TRABD2B: variants seen among roughly 807,000 people sequenced by gnomAD.
The protein encoded by TRABD2B is metalloprotease TIKI2.
In TRABD2B, 14 loss-of-function variants were observed where a neutral mutation model predicts 40.1. The observed-to-expected ratio is 0.35, with a 90% CI of 0.23 to 0.55. The LOEUF (loss-of-function observed/expected upper bound fraction) is 0.55. Ranked by LOEUF, TRABD2B falls within the 20% of genes least tolerant of loss-of-function variation. The pLI is 0.90. For missense variants in TRABD2B, 541 were observed against 648.6 expected, an observed-to-expected ratio of 0.83 and a Z score of 1.80; for synonymous variants, 263 against 277.0, an observed-to-expected ratio of 0.95 and a Z score of 0.50.
chr1:47,900,891 A>C (rs1267960400), intron 2 of TRABD2B, among the ~76,000 whole-genome samples: 1 of 152,130 alleles, frequency 6.6e-6, no homozygotes, highest in East Asian at 1.9e-4. Flanking sequence ...ACCATCTTTT[A>C]AGAGACAAAG....
At chr1:47,967,399 C>T (rs1557685562) in intron 2 of TRABD2B, among the ~76,000 whole-genome samples, 1 of 151,964 alleles carries the variant, frequency 6.6e-6, no homozygotes, top group Non-Finnish European at 1.5e-5. Context: ...TCCAGAAGTC[C>T]ACTATCTAGC....
intron 2 of TRABD2B, among the ~76,000 whole-genome samples, chr1:47,944,863 G>C (rs865936695): frequency 2.6e-5 from 4 of 152,326 alleles, no homozygotes; most frequent in Middle Eastern, 3.4e-3. Flanking sequence ...AACTTCCCGG[G>C]AGGGAACATC....
chr1:47,853,381 G>C (rs771654272), intron 2 of TRABD2B, among the ~76,000 whole-genome samples: 4 of 152,206 alleles, frequency 2.6e-5, no homozygotes, highest in Non-Finnish European at 5.9e-5. Context: ...GGACAGTGCT[G>C]CCTCCCACTG....
chr1:47,978,260 C>T (rs1645787936), intron 2 of TRABD2B, among the ~76,000 whole-genome samples: 2 of 152,158 alleles, frequency 1.3e-5, no homozygotes, highest in Non-Finnish European at 2.9e-5. Context: ...AAAGCTGTTC[C>T]TCACCAGACA....
rs143174520 is a variant in TRABD2B at position 47,771,094 on chromosome 1, T to G, written c.1349+4076A>C. On this transcript the variant is annotated intron_variant, in intron 6 of 6. Transcript: ENST00000606738. The stretch of plus-strand genomic sequence containing the variant: ...TACCTCGAATCTGATGGGGTCATCT[T>G]CTGCCTCTAATCTGATGGGGTCCTG... Among the ~76,000 whole-genome samples, 64 of 152,334 alleles carry G rather than the reference T, an allele frequency of 4.2e-4. 2 individuals carry two copies. In the South Asian group the frequency reaches 0.013, roughly 31 times the overall value.
At chr1:47,807,640 C>G (rs202031012) in intron 2 of TRABD2B, among the ~76,000 whole-genome samples, 14 of 151,580 alleles carry the variant, frequency 9.2e-5, no homozygotes, top group East Asian at 5.8e-4. Flanking sequence ...GTGTGTGTGT[C>G]TGTGTGTGTG....
chr1:47,799,582 C>T (rs1644791577), intron 3 of TRABD2B, among the ~76,000 whole-genome samples: 1 of 152,164 alleles, frequency 6.6e-6, no homozygotes, highest in African/African-American at 2.4e-5. Context: ...AGCTGGGCAA[C>T]GGGGACCAAG....
rs77712464 is a variant in TRABD2B at position 47,781,883 on chromosome 1, C to T, written c.989-3339G>A. Among the ~76,000 whole-genome samples, 1,447 of 152,322 alleles carry T rather than the reference C, an allele frequency of 9.5e-3. 16 individuals carry two copies. The highest frequency in any genetic ancestry group is 0.032 in the African/African-American group (1,348 of 41,564). On this transcript the variant is annotated intron_variant, in intron 4 of 6. Coordinates refer to ENST00000606738, the MANE Select transcript of TRABD2B (RefSeq NM_001194986.2). ...ACAGCTGGGTTGGCAACACTTGCAACGGCCCCAGTGCTCACGACTCCATTC... is the reference window on the plus strand; with the variant it reads ...ACAGCTGGGTTGGCAACACTTGCAATGGCCCCAGTGCTCACGACTCCATTC...
chr1:47,967,372 C>G (rs1693254), intron 2 of TRABD2B, among the ~76,000 whole-genome samples: 11 of 142,998 alleles, frequency 7.7e-5, no homozygotes, highest in South Asian at 4.6e-4. Flanking sequence ...CACACACACA[C>G]AGCAATACTT....
intron 2 of TRABD2B, among the ~76,000 whole-genome samples, chr1:47,977,549 T>C (rs80235161): frequency 0.025 from 3,730 of 152,118 alleles, 116 homozygotes; most frequent in Admixed American, 0.088. Flanking sequence ...CCATTTTATA[T>C]ACGTGAAGAC....
rs115375995 is a variant in TRABD2B at position 47,951,995 on chromosome 1, C to T, written c.666+42039G>A. Reference sequence around the variant, plus strand: ...ATCCCATAGGAGCTGGGAGTTCTGACCCCTGCATCGCTCAGCACCCTCAGT... The same window carrying T: ...ATCCCATAGGAGCTGGGAGTTCTGATCCCTGCATCGCTCAGCACCCTCAGT... On this transcript the variant is annotated intron_variant, in intron 2 of 6. Transcript: ENST00000606738. Among the ~76,000 whole-genome samples, 559 of 152,326 alleles carry T rather than the reference C, an allele frequency of 3.7e-3. 6 individuals carry two copies. Among genetic ancestry groups the T allele is most frequent in the African/African-American group, 0.012 (514 of 41,572 alleles).
At chr1:47,981,922 T>G (rs1164772549) in intron 2 of TRABD2B, among the ~76,000 whole-genome samples, 2 of 152,184 alleles carry the variant, frequency 1.3e-5, no homozygotes, top group African/African-American at 4.8e-5. Flanking sequence ...AAAAGGATGC[T>G]GAGAGGCAGG....
At chr1:47,769,831 C>G (rs905789277) in intron 6 of TRABD2B, among the ~76,000 whole-genome samples, 25 of 152,220 alleles carry the variant, frequency 1.6e-4, no homozygotes, top group African/African-American at 5.8e-4. Context: ...TGCTGTGTGA[C>G]TTTGGCAAGT....
At position 47,761,604 on chromosome 1, in the gene TRABD2B, G is replaced by C. The variant is rs550097734; in HGVS notation, c.*4298C>G. ...GATGAATTTCTGGAAAAATAACAATGTTCATAGAACTTGATCATTGCAGAG... is the reference window on the plus strand; with the variant it reads ...GATGAATTTCTGGAAAAATAACAATCTTCATAGAACTTGATCATTGCAGAG... On this transcript the variant is annotated 3_prime_UTR_variant, in exon 7 of 7. Transcript: ENST00000606738. 2 of 152,310 alleles carry C rather than the reference G, an allele frequency of 1.3e-5. No individual in the cohort carries two copies. Among genetic ancestry groups the C allele is most frequent in the African/African-American group, 4.8e-5 (2 of 41,558 alleles). 9.4% of individuals were successfully genotyped at this position (152,310 alleles called of 1,614,324 possible).
At chr1:47,829,101 G>C (rs1181042207) in intron 2 of TRABD2B, among the ~76,000 whole-genome samples, 7 of 152,212 alleles carry the variant, frequency 4.6e-5, no homozygotes, top group African/African-American at 1.7e-4. Flanking sequence ...AGGGACCCCA[G>C]AGAGGTCCTG....
chr1:47,941,789 C>G (rs912894461), intron 2 of TRABD2B, among the ~76,000 whole-genome samples: 1 of 152,246 alleles, frequency 6.6e-6, no homozygotes, highest in Admixed American at 6.5e-5. Context: ...CACATACTAT[C>G]TGTGTGACCC....
intron 2 of TRABD2B, among the ~76,000 whole-genome samples, chr1:47,987,805 G>A (rs934091587): frequency 6.6e-6 from 1 of 152,190 alleles, no homozygotes; most frequent in South Asian, 2.1e-4. Context: ...ATGGCTCTGT[G>A]GGGGAGACAC....
chr1:47,892,762 A>G (rs1051324416), intron 2 of TRABD2B, among the ~76,000 whole-genome samples: 1 of 152,220 alleles, frequency 6.6e-6, no homozygotes, highest in East Asian at 1.9e-4. Context: ...TGAGGAGGTG[A>G]TAACAGCTGA....
At chr1:47,784,828 C>A (rs1644573505) in intron 4 of TRABD2B, among the ~76,000 whole-genome samples, 1 of 152,170 alleles carries the variant, frequency 6.6e-6, no homozygotes, top group Non-Finnish European at 1.5e-5. Context: ...TTCAGTGGGG[C>A]CTGAGATGAC....
Sources: allele counts gnomAD v4.1 joint callset (sites outside exome capture counted in the v4.1 genomes callset), GRCh38; gene constraint gnomAD v4.1.1; transcripts MANE v1.5; gene names NCBI Gene and HGNC (gene_info 2026-07-23, HGNC 2026-07-21).